KDM4C: variants seen among roughly 807,000 people sequenced by gnomAD.
KDM4C encodes the protein lysine-specific demethylase 4C.
KDM4C carries 81 observed loss-of-function variants against 129.3 expected under a neutral mutation model. The ratio of observed to expected loss-of-function variants is 0.63; its 90% CI spans 0.52 to 0.75. The LOEUF is 0.75. KDM4C is among the 30% of genes least tolerant of loss of function. The pLI is 0.00. For synonymous variants in KDM4C, 573 were observed against 456.1 expected (o/e 1.26, Z -3.26); for missense variants, 1,457 against 1,304.0 (o/e 1.12, Z -1.81).
intron 5 of KDM4C, among the ~76,000 whole-genome samples, chr9:6,849,944 C>T (rs1207966132): frequency 6.6e-6 from 1 of 152,214 alleles, no homozygotes; most frequent in Non-Finnish European, 1.5e-5. Context: ...TGATGGACCA[C>T]AGATACAACG....
intron 1 of KDM4C, among the ~76,000 whole-genome samples, chr9:6,748,176 CAAA>C (rs1563925744): frequency 3.4e-5 from 2 of 58,104 alleles, no homozygotes; most frequent in African/African-American, 9.3e-5. Flanking sequence ...AAAAAAAAAA[CAAA>C]CAAACAAACA....
intron 15 of KDM4C, among the ~76,000 whole-genome samples, chr9:7,025,570 ACAACCTATTATTTTAAG>A (rs1214649631): frequency 6.6e-6 from 1 of 152,210 alleles, no homozygotes; most frequent in Non-Finnish European, 1.5e-5. Context: ...ATATTATCTT[ACAACCTATTATTTTAAG>A]CTGACAACCA....
intron 12 of KDM4C, among the ~76,000 whole-genome samples, chr9:7,007,742 T>A (rs1821938532): frequency 6.6e-6 from 1 of 152,184 alleles, no homozygotes; most frequent in Non-Finnish European, 1.5e-5. Context: ...TTTCCTTTTT[T>A]GTGGGTTCAT....
chr9:6,927,998 C>T (rs1279430384), intron 8 of KDM4C, among the ~76,000 whole-genome samples: 1 of 152,180 alleles, frequency 6.6e-6, no homozygotes, highest in Non-Finnish European at 1.5e-5. Flanking sequence ...TATCTTGGCT[C>T]CCACACCTTT....
chr9:6,878,106 C>A (rs1024861949), intron 5 of KDM4C, among the ~76,000 whole-genome samples: 1 of 152,186 alleles, frequency 6.6e-6, no homozygotes, highest in African/African-American at 2.4e-5. Context: ...TGCTTGAAGG[C>A]ATTTTTGCCC....
Position 6,801,239 on chromosome 9 carries a change from A to ATTT in KDM4C, c.145-4330_145-4328dup, listed in dbSNP as rs59151680. Reference sequence around the variant, plus strand: ...CATTTTTATGTCCTTGAGTAGGGAAATTTTTTTTTTTTTTTTTTTTTTTTT... The same window carrying ATTT: ...CATTTTTATGTCCTTGAGTAGGGAAATTTTTTTTTTTTTTTTTTTTTTTTTTTT... On this transcript the variant is annotated intron_variant, in intron 2 of 21. Transcript: ENST00000381309. 1.1e-3 allele frequency among the ~76,000 whole-genome samples: 70 copies of ATTT among 65,740 alleles called. 2 individuals carry two copies. Among genetic ancestry groups the ATTT allele is most frequent in the East Asian group, 2.4e-3 (5 of 2,096 alleles). The allele number at this position is 65,740 out of a possible 152,430, so 43.1% of individuals were successfully genotyped here. A position where few individuals can be genotyped will look rare whatever the true frequency, so the allele number is the denominator to read the frequency against.
At chr9:7,103,002 GT>G (rs960288402) in intron 17 of KDM4C, among the ~76,000 whole-genome samples, 2 of 152,124 alleles carry the variant, frequency 1.3e-5, no homozygotes, top group African/African-American at 4.8e-5. Context: ...CATTATTGCT[GT>G]TTTTATTTTC....
intron 1 of KDM4C, among the ~76,000 whole-genome samples, chr9:6,725,243 T>G (rs545738957): frequency 1.1e-4 from 16 of 151,956 alleles, no homozygotes; most frequent in Non-Finnish European, 2.1e-4. Flanking sequence ...GCGCAGTGTG[T>G]TTGGAGATGG....
Position 7,091,795 on chromosome 9 carries a change from TG to T in KDM4C, c.2425-11887del, listed in dbSNP as rs139416592. ...ACATCAGCCTGCGACTGGGAAGACA[TG>T]GGCAGGAAAAGTCACATGGTGCTGA... On this transcript the variant is annotated intron_variant, in intron 17 of 21. Transcript: ENST00000381309. Among the ~76,000 whole-genome samples, 1,195 of 152,240 alleles carry T rather than the reference TG, an allele frequency of 7.8e-3. 20 individuals are homozygous for T. Among genetic ancestry groups the T allele is most frequent in the African/African-American group, 0.027 (1,137 of 41,542 alleles).
rs987283445 is a variant in KDM4C, at chr9:7,174,858, C to T, written c.*129C>T. Reference sequence around the variant, plus strand: ...GGGTGTGTCTCTGACAGTGGTAAATCGGGTTTCCAGAGTTTGGTCACCAAA... The same window carrying T: ...GGGTGTGTCTCTGACAGTGGTAAATTGGGTTTCCAGAGTTTGGTCACCAAA... On this transcript the variant is annotated 3_prime_UTR_variant, in exon 22 of 22. Transcript: ENST00000381309. 8.0e-5 allele frequency: 59 copies of T among 740,810 alleles called. No individual in the cohort carries two copies. The highest frequency in any genetic ancestry group is 7.8e-4 in the Middle Eastern group (2 of 2,572). The allele number at this position is 740,810 out of a possible 1,614,324, so 45.9% of individuals were successfully genotyped here. A position where few individuals can be genotyped will look rare whatever the true frequency, so the allele number is the denominator to read the frequency against.
At chr9:6,930,832 A>T (rs550598150) in intron 8 of KDM4C, among the ~76,000 whole-genome samples, 150 of 151,700 alleles carry the variant, frequency 9.9e-4, no homozygotes, top group African/African-American at 3.4e-3. Flanking sequence ...AACACCCCCT[A>T]ATCTATTAGT....
intron 15 of KDM4C, among the ~76,000 whole-genome samples, chr9:7,024,134 C>G (rs1271711385): frequency 6.6e-6 from 1 of 152,050 alleles, no homozygotes; most frequent in African/African-American, 2.4e-5. Flanking sequence ...CTGTAAATAT[C>G]TGTTAGGTCG....
At chr9:6,982,010 C>T (rs1445465912) in intron 9 of KDM4C, 2 of 153,422 alleles carry the variant, frequency 1.3e-5, no homozygotes, top group Non-Finnish European at 3.0e-5. Flanking sequence ...TATTATATAT[C>T]TTTCCAAAAT....
At position 7,102,309 on chromosome 9, in the gene KDM4C, C is replaced by CTTTTTTT. The variant is rs34614459; in HGVS notation, c.2425-1358_2425-1352dup. 8.9e-3 allele frequency among the ~76,000 whole-genome samples: 805 copies of CTTTTTTT among 89,978 alleles called. 3 individuals carry two copies. The highest frequency in any genetic ancestry group is 0.013 in the Non-Finnish European group (617 of 48,312). 59.0% of individuals were successfully genotyped at this position (89,978 alleles called of 152,430 possible). On this transcript the variant is annotated intron_variant, in intron 17 of 21. Transcript: ENST00000381309. ...TGGCTCTTGCACCTCATGGTTTTCC[C>CTTTTTTT]TTTTTTTTTTTTTTTTTTTTTTTTG... is the stretch of plus-strand genomic sequence containing the variant.
chr9:7,063,343 C>A (rs1415995946), intron 17 of KDM4C, among the ~76,000 whole-genome samples: 2 of 152,206 alleles, frequency 1.3e-5, no homozygotes, highest in Non-Finnish European at 2.9e-5. Context: ...ACCAGCTTGA[C>A]TGTGACTGTC....
chr9:7,067,962 AT>A (rs1346226498), intron 17 of KDM4C, among the ~76,000 whole-genome samples: 1 of 151,980 alleles, frequency 6.6e-6, no homozygotes, highest in Non-Finnish European at 1.5e-5. Flanking sequence ...CGCATGGCTA[AT>A]TTTTTTGTAT....
intron 19 of KDM4C, among the ~76,000 whole-genome samples, chr9:7,145,610 T>G (rs1418346596): frequency 6.6e-6 from 1 of 152,232 alleles, no homozygotes; most frequent in Non-Finnish European, 1.5e-5. Context: ...TGACAGGAGC[T>G]CACTCTCAAT....
chr9:6,992,349 A>G (rs1818905552), intron 12 of KDM4C, among the ~76,000 whole-genome samples: 1 of 152,196 alleles, frequency 6.6e-6, no homozygotes, highest in South Asian at 2.1e-4. Flanking sequence ...AGATTTATAA[A>G]TGGATTGGTT....
At chr9:6,974,999 G>A (rs913410449) in intron 8 of KDM4C, 3 of 152,144 alleles carry the variant, frequency 2.0e-5, no homozygotes, top group East Asian at 3.8e-4. Flanking sequence ...TGGAGACCCC[G>A]GAGCAAACTA....
Sources: gnomAD v4.1 joint callset for allele counts (sites outside exome capture counted in the v4.1 genomes callset) on GRCh38, gnomAD v4.1.1 for gene constraint, MANE v1.5 for transcripts, NCBI Gene and HGNC (gene_info 2026-07-23, HGNC 2026-07-21) for gene names.